Variants in NKAIN2 observed in about 807,000 individuals in gnomAD.
The protein encoded by NKAIN2 is sodium/potassium transporting ATPase interacting 2, also known as sodium/potassium-transporting ATPase subunit beta-1-interacting protein 2.
Under a neutral mutation model 32.6 loss-of-function variants are expected in NKAIN2, and 14 were observed. That is an observed-to-expected ratio of 0.43 (90% CI 0.28 to 0.67). The LOEUF (loss-of-function observed/expected upper bound fraction) is 0.67, where lower values mean the gene tolerates loss of function less well. Ranked by LOEUF, NKAIN2 falls within the 30% of genes least tolerant of loss-of-function variation. The pLI, the probability that NKAIN2 is intolerant of heterozygous loss-of-function variation, is 0.17. For missense variants in NKAIN2, 198 were observed against 258.3 expected (o/e 0.77, Z 1.60); for synonymous variants, 80 against 87.2 (o/e 0.92, Z 0.46).
intron 1 of NKAIN2, among the ~76,000 whole-genome samples, chr6:124,275,613 G>A (rs1236329613): frequency 2.0e-5 from 3 of 152,052 alleles, no homozygotes; most frequent in South Asian, 2.1e-4. Context: ...TTAATATATG[G>A]GGTGTTAAAT....
intron 3 of NKAIN2, among the ~76,000 whole-genome samples, chr6:124,508,393 G>A (rs556438594): frequency 1.3e-5 from 2 of 151,502 alleles, no homozygotes; most frequent in East Asian, 3.9e-4. Context: ...CACCCAGGCT[G>A]GAGTGCAGTG....
chr6:124,085,766 G>C (rs1470089667), intron 1 of NKAIN2, among the ~76,000 whole-genome samples: 1 of 151,922 alleles, frequency 6.6e-6, no homozygotes, highest in Non-Finnish European at 1.5e-5. Flanking sequence ...TCTGCAATGT[G>C]TCTGGCATCA....
At chr6:124,219,940 A>G (rs903679594) in intron 1 of NKAIN2, among the ~76,000 whole-genome samples, 2 of 152,170 alleles carry the variant, frequency 1.3e-5, no homozygotes, top group Middle Eastern at 3.2e-3. Flanking sequence ...AAAATACTAT[A>G]TGCTATTCTT....
chr6:124,720,284 C>T (rs1017614429), intron 4 of NKAIN2, among the ~76,000 whole-genome samples: 4 of 152,172 alleles, frequency 2.6e-5, no homozygotes, highest in South Asian at 2.1e-4. Context: ...TGTCAGGAAA[C>T]TTCAGTCCTC....
chr6:124,358,866 G>C (rs555217202), intron 3 of NKAIN2, among the ~76,000 whole-genome samples: 1,603 of 151,210 alleles, frequency 0.011, 25 homozygotes, highest in African/African-American at 0.037. Context: ...GTCCTGAATG[G>C]TATTGCCTAG....
In NKAIN2 at chr6:123,964,004, A is replaced by T. The variant is rs9784819; in HGVS notation, c.54+159750A>T. Among the ~76,000 whole-genome samples, 1 of 152,134 alleles carries T rather than the reference A, an allele frequency of 6.6e-6. No individual in the cohort carries two copies. Among genetic ancestry groups the T allele is most frequent in the African/African-American group, 2.4e-5 (1 of 41,416 alleles). ...TATTATAGAGGCCAAACATTGTTCT[A>T]TCTTTGCCTTTATAGCATATTGTTG... is the stretch of plus-strand genomic sequence containing the variant. On this transcript the variant is annotated intron_variant, in intron 1 of 6. Transcript: ENST00000368417. This position sits in a 1 kb window ranked among gnomAD's most constrained non-coding sequence, Gnocchi z 4.0.
chr6:123,815,455 G>A (rs571059332), intron 1 of NKAIN2, among the ~76,000 whole-genome samples: 48 of 152,062 alleles, frequency 3.2e-4, no homozygotes, highest in Non-Finnish European at 6.2e-4. Flanking sequence ...AAATCAGAAC[G>A]TAAATAATGA....
At chr6:124,465,922 G>C (rs1776734772) in intron 3 of NKAIN2, among the ~76,000 whole-genome samples, 1 of 152,026 alleles carries the variant, frequency 6.6e-6, no homozygotes, top group Non-Finnish European at 1.5e-5. Flanking sequence ...CTAAACATGT[G>C]AATGTTTGCT....
At chr6:124,036,141 C>T (rs1394510022) in intron 1 of NKAIN2, among the ~76,000 whole-genome samples, 1 of 152,068 alleles carries the variant, frequency 6.6e-6, no homozygotes, top group African/African-American at 2.4e-5. Flanking sequence ...GATTTCATAG[C>T]CGCAAAACCC....
In NKAIN2 at chr6:124,135,315, T is replaced by C. The variant is rs1426188480; in HGVS notation, c.55-147690T>C. ...AATGTAAATGGCCTAAATGCTCCAC[T>C]TAAAAGATACAGAACGGCAGATGGA... On this transcript the variant is annotated intron_variant, in intron 1 of 6. Transcript: ENST00000368417. Among the ~76,000 whole-genome samples the C allele has an allele frequency of 2.6e-5, 4 of 151,914 alleles. No individual in the cohort carries two copies. The East Asian group carries it at 7.7e-4, about 29-fold the overall frequency.
intron 3 of NKAIN2, among the ~76,000 whole-genome samples, chr6:124,385,760 C>A (rs896688457): frequency 1.3e-5 from 2 of 151,206 alleles, no homozygotes; most frequent in African/African-American, 2.4e-5. Context: ...CAAGATCTAC[C>A]CCCTCTCAAA....
intron 3 of NKAIN2, among the ~76,000 whole-genome samples, chr6:124,359,126 G>A (rs1799143866): frequency 2.0e-5 from 3 of 152,126 alleles, no homozygotes; most frequent in Admixed American, 1.3e-4. Flanking sequence ...TGTCACATTG[G>A]TCTGTATCTC....
chr6:124,662,340 A>G (rs374565509), intron 4 of NKAIN2, among the ~76,000 whole-genome samples: 3 of 152,148 alleles, frequency 2.0e-5, no homozygotes, highest in Admixed American at 2.0e-4. Context: ...CTGTTTTCCC[A>G]CAGCCATTAG....
intron 3 of NKAIN2, among the ~76,000 whole-genome samples, chr6:124,422,124 T>C (rs1774782548): frequency 6.6e-6 from 1 of 152,154 alleles, no homozygotes; most frequent in Non-Finnish European, 1.5e-5. Flanking sequence ...GTTTATGGTA[T>C]AAAATATTAA....
chr6:124,368,243 A>C (rs1475692902), intron 3 of NKAIN2, among the ~76,000 whole-genome samples: 1 of 152,098 alleles, frequency 6.6e-6, no homozygotes, highest in Non-Finnish European at 1.5e-5. Context: ...GCATATTTCC[A>C]CACAAATGTT....
intron 5 of NKAIN2, among the ~76,000 whole-genome samples, chr6:124,809,958 G>A (rs578048232): frequency 4.6e-5 from 7 of 152,248 alleles, no homozygotes; most frequent in African/African-American, 1.4e-4. Flanking sequence ...CAGTTAGAAT[G>A]GCAATCATTA....
chr6:124,100,636 A>G (rs759447703), intron 1 of NKAIN2, among the ~76,000 whole-genome samples: 18 of 152,234 alleles, frequency 1.2e-4, no homozygotes, highest in Non-Finnish European at 1.9e-4. Context: ...CATGTGCTCT[A>G]CCTAAAAACA....
chr6:124,058,933 C>A (rs1300262685), intron 1 of NKAIN2, among the ~76,000 whole-genome samples: 2 of 151,778 alleles, frequency 1.3e-5, no homozygotes, highest in Non-Finnish European at 2.9e-5. Context: ...GTTTGGCACC[C>A]CCTGGTTTAA....
At chr6:123,883,726 TAAA>T (rs1357291931) in intron 1 of NKAIN2, among the ~76,000 whole-genome samples, 1 of 149,934 alleles carries the variant, frequency 6.7e-6, no homozygotes, top group Admixed American at 6.6e-5. Context: ...AGGTACATTT[TAAA>T]AAAATGTACC....
Sources: allele counts gnomAD v4.1 joint callset (sites outside exome capture counted in the v4.1 genomes callset), GRCh38; gene constraint gnomAD v4.1.1; non-coding constraint Gnocchi (gnomAD v3.1); transcripts MANE v1.5; gene names NCBI Gene and HGNC (gene_info 2026-07-23, HGNC 2026-07-21).